The following PDZD7 variants were observed in gnomAD, a reference collection of about 807,000 sequenced individuals.
The protein encoded by PDZD7 is PDZ domain-containing protein 7.
A neutral mutation model predicts 84.7 loss-of-function variants in PDZD7; 72 were observed. That is an observed-to-expected ratio of 0.85 (90% confidence interval 0.70 to 1.03). The LOEUF (loss-of-function observed/expected upper bound fraction) is 1.03. Among genes scored for constraint, PDZD7 ranks in the 50% least tolerant of loss-of-function variants. The pLI, the probability that PDZD7 is intolerant of heterozygous loss-of-function variation, is 0.00. For synonymous variants in PDZD7, 594 were observed against 580.7 expected, an observed-to-expected ratio of 1.02 and a Z score of -0.33; for missense variants, 1,490 against 1,412.9, an observed-to-expected ratio of 1.05 and a Z score of -0.87.
At chr10:101,023,168 G>C in intron 4 of PDZD7, 1 of 516,150 alleles carries the variant, frequency 1.9e-6, no homozygotes, top group Non-Finnish European at 3.5e-6. Flanking sequence ...CTGTAGAGAG[G>C]TGGTGTTTTG....
chr10:101,029,491 G>A (rs576205599), intron 2 of PDZD7, among the ~76,000 whole-genome samples: 2 of 152,282 alleles, frequency 1.3e-5, no homozygotes, highest in South Asian at 4.1e-4. Context: ...CATTTGCTGT[G>A]CTGCCTTCAT....
Position 101,010,335 on chromosome 10 carries a change from C to T in PDZD7, c.2554G>A (p.Ala852Thr). 1 of 1,535,576 alleles carries T rather than the reference C, an allele frequency of 6.5e-7. No homozygotes were observed. Among genetic ancestry groups the T allele is most frequent in the Non-Finnish European group, 8.7e-7 (1 of 1,146,350 alleles). The change falls in exon 15 of 17, where the codon GCC becomes ACC. Residue 852 changes from alanine to threonine, a missense_variant. Ala to Thr is a moderately conservative substitution (Grantham distance 58). Coordinates refer to ENST00000619208, the MANE Select transcript of PDZD7 (RefSeq NM_001195263.2). ...AGCTCGCCACTGGGGTTCTTCATGG[C>T]TGCCTCCTTGGCCGTCCCCTCAGTT... ...SGTEGTAKEA[A>T]MKNPSGELKT...
In PDZD7 at chr10:101,008,694, AG is replaced by A. The variant is rs34716146; in HGVS notation, c.2874del (p.Ser959LeufsTer86). 1 of 1,535,894 alleles carries A rather than the reference AG, an allele frequency of 6.5e-7. No homozygotes were observed. The highest frequency in any genetic ancestry group is 8.7e-7 in the Non-Finnish European group (1 of 1,146,810). Reference sequence around the variant, plus strand: ...CCATCAGTAAGGGCTGATGAGTCAGAGGGTGAGGGCCGTGGGCTGGGCCCGG... The same window carrying A: ...CCATCAGTAAGGGCTGATGAGTCAGAGGTGAGGGCCGTGGGCTGGGCCCGG... The part of the protein sequence containing the change: ...RVPGPSPRPS[P>X]SDSSALTDGG... On this transcript the variant is annotated frameshift_variant, in exon 17 of 17. Transcript: ENST00000619208. LOFTEE classifies it low-confidence loss of function (END_TRUNC).
In PDZD7 at chr10:101,020,529, A is replaced by C. The variant is rs188621007; in HGVS notation, c.928+89T>G. ...CTGGGATTACAGGTGTAAGCCACCAAGCCTGGCCCTTTTCTTCTTCAGAGA... is the reference window on the plus strand; with the variant it reads ...CTGGGATTACAGGTGTAAGCCACCACGCCTGGCCCTTTTCTTCTTCAGAGA... On this transcript the variant is annotated intron_variant, in intron 7 of 16. Coordinates refer to ENST00000619208, the MANE Select transcript of PDZD7 (RefSeq NM_001195263.2). The C allele has an allele frequency of 2.0e-4, 252 of 1,274,358 alleles. 1 individual carries two copies. The African/African-American group carries it at 3.0e-3, about 15-fold the overall frequency. 78.9% of individuals were successfully genotyped at this position (1,274,358 alleles called of 1,614,324 possible). A position where few individuals can be genotyped will look rare whatever the true frequency, so the allele number is the denominator to read the frequency against.
intron 4 of PDZD7, 88 bp from the exon 5 acceptor site, chr10:101,022,473 G>GT: frequency 6.5e-7 from 1 of 1,542,578 alleles, no homozygotes; most frequent in Non-Finnish European, 8.9e-7. Context: ...TGCAGGGAAA[G>GT]TGGGGGTTGC....
At chr10:101,016,056 C>A (rs191997927) in intron 10 of PDZD7, among the ~76,000 whole-genome samples, 39 of 152,260 alleles carry the variant, frequency 2.6e-4, no homozygotes, top group Middle Eastern at 3.4e-3. Context: ...CCCCCAGGGC[C>A]CCCTGAACAT....
At chr10:101,025,499 C>T (rs889797209) in intron 2 of PDZD7, among the ~76,000 whole-genome samples, 1 of 151,756 alleles carries the variant, frequency 6.6e-6, no homozygotes, top group Non-Finnish European at 1.5e-5. Flanking sequence ...TGAGCCACCA[C>T]CCCAGCCTTG....
rs1287977867 is a variant in PDZD7 at position 101,018,906 on chromosome 10, CAGAG to C, written c.1236_1239del (p.Glu414LeufsTer24). On this transcript the variant is annotated frameshift_variant, in exon 8 of 17. Coordinates refer to ENST00000619208, the MANE Select transcript of PDZD7 (RefSeq NM_001195263.2). LOFTEE classifies it high-confidence loss of function. ...AGCAGCAAAGCCGTCTTGGGAGACT[CAGAG>C]AGCGCAGAGTCAAGGCGGCGGCCGG... The C allele has an allele frequency of 6.9e-6, 11 of 1,604,254 alleles. No homozygotes were observed. The highest frequency in any genetic ancestry group is 2.7e-5 in the African/African-American group (2 of 74,860).
At chr10:101,021,287 G>C (rs1853077670) in intron 6 of PDZD7, among the ~76,000 whole-genome samples, 1 of 152,138 alleles carries the variant, frequency 6.6e-6, no homozygotes, top group Admixed American at 6.5e-5. Flanking sequence ...GGGCACCAGG[G>C]GAGAGTGAGG....
At position 101,010,563 on chromosome 10, in the gene PDZD7, T is replaced by G; in HGVS notation, c.2326A>C (p.Ser776Arg). The G allele has an allele frequency of 6.7e-7, 1 of 1,488,086 alleles. No individual in the cohort carries two copies. The highest frequency in any genetic ancestry group is 9.0e-7 in the Non-Finnish European group (1 of 1,106,742). The allele number at this position is 1,488,086 out of a possible 1,614,324, so 92.2% of individuals were successfully genotyped here. A position where few individuals can be genotyped will look rare whatever the true frequency, so the allele number is the denominator to read the frequency against. Residue 776 changes from serine to arginine, a missense_variant, in exon 15 of 17, where the codon AGC becomes CGC. By Grantham distance (110) the Ser-to-Arg change is moderately radical (BLOSUM62 -1). Transcript: ENST00000619208. ...IRGRAQSRSR[S>R]RSRSRSRSSR... Reference sequence around the variant, plus strand: ...CTGCGGCTGCGGCTGCGGCTACGGCTGCGGCTACGGCTCTGAGCCCGGCCC... The same window carrying G: ...CTGCGGCTGCGGCTGCGGCTACGGCGGCGGCTACGGCTCTGAGCCCGGCCC...
chr10:101,028,833 C>A (rs933902055), intron 2 of PDZD7, among the ~76,000 whole-genome samples: 5 of 152,208 alleles, frequency 3.3e-5, no homozygotes, highest in Non-Finnish European at 5.9e-5. Flanking sequence ...TGACCCTCAG[C>A]AGTGCCCTGT....
intron 2 of PDZD7, among the ~76,000 whole-genome samples, chr10:101,026,238 G>A (rs1238993109): frequency 6.6e-6 from 1 of 151,272 alleles, no homozygotes; most frequent in East Asian, 2.0e-4. Context: ...GGGTTCAAGC[G>A]ATTCTCCTGC....
At chr10:101,012,067 G>T (rs1852413128) in intron 12 of PDZD7, 51 bp from the exon 13 acceptor site, 1 of 1,541,318 alleles carries the variant, frequency 6.5e-7, no homozygotes, top group African/African-American at 1.4e-5. Flanking sequence ...CAGGATTTCA[G>T]TTCCGGAGGT....
At position 101,030,325 on chromosome 10, in the gene PDZD7, G is replaced by A. The variant is rs1448066166; in HGVS notation, c.-106C>T. 2 of 996,370 alleles carry A rather than the reference G, an allele frequency of 2.0e-6. No individual in the cohort carries two copies. The highest frequency in any genetic ancestry group is 2.7e-5 in the South Asian group (2 of 72,900). 61.7% of individuals were successfully genotyped at this position (996,370 alleles called of 1,614,324 possible). A position where few individuals can be genotyped will look rare whatever the true frequency, so the allele number is the denominator to read the frequency against. ...CTCCATGAGCCTCTGTGCGGGGCTG[G>A]GGTCTCAGTAACGTGAAGGCCCTCG... is the stretch of plus-strand genomic sequence containing the variant. On this transcript the variant is annotated 5_prime_UTR_variant, in exon 2 of 17. Coordinates refer to ENST00000619208, the MANE Select transcript of PDZD7 (RefSeq NM_001195263.2).
intron 9 of PDZD7, 57 bp from the exon 10 acceptor site, chr10:101,016,484 T>G (rs1852637653): frequency 3.9e-6 from 6 of 1,523,418 alleles, no homozygotes; most frequent in Non-Finnish European, 5.3e-6. Flanking sequence ...GAAAATGGGG[T>G]TCAGGAGGGC....
chr10:101,027,311 T>G (rs1937778210), intron 2 of PDZD7, among the ~76,000 whole-genome samples: 1 of 129,716 alleles, frequency 7.7e-6, no homozygotes, highest in Admixed American at 9.3e-5. Flanking sequence ...TTCCTGTTCC[T>G]CATGGAGGCC....
intron 11 of PDZD7, among the ~76,000 whole-genome samples, chr10:101,013,851 C>CT (rs111945530): frequency 0.24 from 32,080 of 134,522 alleles, 4,324 homozygotes; most frequent in East Asian, 0.51. Context: ...TCTTTTCTTT[C>CT]TTTTTTTTTT....
chr10:101,018,847 G>A lies in PDZD7; in HGVS notation c.1299C>T (p.Arg433=), dbSNP rs1290351351. 1.2e-6 allele frequency: 2 copies of A among 1,603,124 alleles called. No homozygotes were observed. Among genetic ancestry groups the A allele is most frequent in the South Asian group, 1.1e-5 (1 of 89,076 alleles). ...CCCACAAGGTCAGATAGCTCTGGGA[G>A]CGCGTGATGGGGGGCCGGGGTCGGC... ...ALSRPRPPIT[R]SQSYLTLWEE... The change falls in exon 8 of 17, where the codon CGC becomes CGT. Residue 433 remains arginine (R), a synonymous_variant. Transcript: ENST00000619208.
At chr10:101,019,572 T>TCCCCCC in intron 7 of PDZD7, among the ~76,000 whole-genome samples, 1 of 132,692 alleles carries the variant, frequency 7.5e-6, no homozygotes, top group South Asian at 2.8e-4. Context: ...CTCCTCCTCC[T>TCCCCCC]CCTCCTCCTC....
Sources: allele counts gnomAD v4.1 joint callset (sites outside exome capture counted in the v4.1 genomes callset), GRCh38; gene constraint gnomAD v4.1.1; transcripts MANE v1.5; gene names NCBI Gene and HGNC (gene_info 2026-07-23, HGNC 2026-07-21).